Variants in PMS1 observed in about 807,000 individuals in gnomAD.
PMS1 encodes the protein PMS1 protein homolog 1.
PMS1 carries 79 observed loss-of-function variants against 93.1 expected under a neutral mutation model. That is an observed-to-expected ratio of 0.85 (90% confidence interval 0.71 to 1.02). The LOEUF is 1.02. Among genes scored for constraint, PMS1 ranks in the 50% least tolerant of loss-of-function variants. PMS1 has a pLI of 0.00. For missense variants in PMS1, 1,064 were observed against 1,085.3 expected, an observed-to-expected ratio of 0.98 and a Z score of 0.28; for synonymous variants, 335 against 363.4, an observed-to-expected ratio of 0.92 and a Z score of 0.89.
intron 10 of PMS1, among the ~76,000 whole-genome samples, chr2:189,865,707 A>T (rs527914476): frequency 6.6e-6 from 1 of 152,362 alleles, no homozygotes; most frequent in Admixed American, 6.5e-5. Flanking sequence ...AAAAAAGATT[A>T]AAAAATAAAT....
intron 5 of PMS1, among the ~76,000 whole-genome samples, chr2:189,829,081 T>C (rs553122285): frequency 4.6e-5 from 7 of 152,254 alleles, no homozygotes; most frequent in Admixed American, 1.3e-4. Context: ...TTGAATATAG[T>C]AGAGGATGAA....
intron 4 of PMS1, among the ~76,000 whole-genome samples, chr2:189,811,173 C>T (rs62184285): frequency 0.14 from 20,364 of 149,222 alleles, 1,646 homozygotes; most frequent in Middle Eastern, 0.2. Flanking sequence ...AACAGAAGCA[C>T]GGAAGTAGAA....
At chr2:189,868,484 C>T (rs1000935435) in intron 11 of PMS1, among the ~76,000 whole-genome samples, 3 of 152,186 alleles carry the variant, frequency 2.0e-5, no homozygotes, top group Non-Finnish European at 4.4e-5. Flanking sequence ...CTAGAGACTT[C>T]AGTTTTCCTG....
chr2:189,822,159 C>T (rs1347500863), intron 5 of PMS1, among the ~76,000 whole-genome samples: 8 of 152,144 alleles, frequency 5.3e-5, no homozygotes. Context: ...GACTGTGGCG[C>T]GGGCAGTGGA....
chr2:189,863,768 T>C lies in PMS1; in HGVS notation c.1882T>C (p.Leu628=). Residue 628 remains leucine, a synonymous_variant, in exon 10 of 13, where the codon TTG becomes CTG. Transcript: ENST00000441310. ...LKYEEKATKD[L]ERYNSQMKRA... is the part of the protein sequence containing the mutation. ...ATATGAAGAGAAGGCTACTAAAGACTTGGAACGATACAATAGTCAAATGAA... is the reference window on the plus strand; with the variant it reads ...ATATGAAGAGAAGGCTACTAAAGACCTGGAACGATACAATAGTCAAATGAA... The C allele has an allele frequency of 1.2e-6, 2 of 1,602,964 alleles. No homozygotes were observed. Among genetic ancestry groups the C allele is most frequent in the Non-Finnish European group, 1.7e-6 (2 of 1,170,000 alleles).
At chr2:189,842,571 T>C (rs1182893510) in intron 5 of PMS1, among the ~76,000 whole-genome samples, 1 of 152,158 alleles carries the variant, frequency 6.6e-6, no homozygotes, top group African/African-American at 2.4e-5. Context: ...CATGTTGACC[T>C]AAAAGGAAGA....
chr2:189,839,528 A>G (rs2053652587), intron 5 of PMS1, among the ~76,000 whole-genome samples: 1 of 152,052 alleles, frequency 6.6e-6, no homozygotes. Flanking sequence ...TTCTCTCTAT[A>G]TGTTCATGAT....
rs5742987 is a variant in PMS1, at chr2:189,796,530, CT to C, written c.315+583del. Among the ~76,000 whole-genome samples, 167 of 152,284 alleles carry C rather than the reference CT, an allele frequency of 1.1e-3. 2 individuals are homozygous for C. In the East Asian group the frequency reaches 0.026, roughly 24 times the overall value. ...CTCTGTACCCATTAAACAATAATGC[CT>C]TTTCCCCCCATCCCCTAGTACTCAC... On this transcript the variant is annotated intron_variant, in intron 3 of 12. Coordinates refer to ENST00000441310, the MANE Select transcript of PMS1 (RefSeq NM_000534.5).
chr2:189,820,255 A>G (rs2051708174), intron 5 of PMS1, among the ~76,000 whole-genome samples: 1 of 151,938 alleles, frequency 6.6e-6, no homozygotes, highest in Admixed American at 6.6e-5. Flanking sequence ...TGGGATTTGA[A>G]ACTTAACATG....
At chr2:189,834,904 A>AT (rs1034439577) in intron 5 of PMS1, among the ~76,000 whole-genome samples, 7 of 151,032 alleles carry the variant, frequency 4.6e-5, no homozygotes, top group African/African-American at 1.2e-4. Flanking sequence ...TAATTTTTTA[A>AT]TTTTTTGTAG....
intron 6 of PMS1, among the ~76,000 whole-genome samples, chr2:189,848,132 G>A (rs1055991250): frequency 7.2e-5 from 11 of 152,142 alleles, no homozygotes; most frequent in African/African-American, 2.7e-4. Flanking sequence ...CAAGGGTACT[G>A]TCTGAATTCT....
chr2:189,815,407 CTA>C (rs1378404496), intron 4 of PMS1, among the ~76,000 whole-genome samples: 1 of 152,128 alleles, frequency 6.6e-6, no homozygotes, highest in African/African-American at 2.4e-5. Context: ...CCCGTAATCC[CTA>C]TGTGTTTAGA....
chr2:189,866,891 C>T (rs1306091176), intron 10 of PMS1, among the ~76,000 whole-genome samples: 1 of 152,180 alleles, frequency 6.6e-6, no homozygotes, highest in Non-Finnish European at 1.5e-5. Context: ...ATCATCACCA[C>T]CACCACCATC....
chr2:189,846,247 C>T (rs922417379), intron 6 of PMS1, among the ~76,000 whole-genome samples: 7 of 151,922 alleles, frequency 4.6e-5, no homozygotes, highest in Admixed American at 2.6e-4. Flanking sequence ...TGTGGTGGCT[C>T]ACACCTGTAA....
In PMS1 at chr2:189,813,617, A is replaced by G. The variant is rs527974100; in HGVS notation, c.419-4400A>G. ...AATAAACAACTTCATATTTTATTGC[A>G]ACAATTGCTTTATGAGAGTTAAAAA... is the stretch of plus-strand genomic sequence containing the variant. On this transcript the variant is annotated intron_variant, in intron 4 of 12. Coordinates refer to ENST00000441310, the MANE Select transcript of PMS1 (RefSeq NM_000534.5). Among the ~76,000 whole-genome samples the G allele has an allele frequency of 3.9e-5, 6 of 152,346 alleles. 1 individual carries two copies. The East Asian group carries it at 1.2e-3, about 29-fold the overall frequency.
intron 5 of PMS1, among the ~76,000 whole-genome samples, chr2:189,838,804 A>G (rs2053589741): frequency 6.6e-6 from 1 of 152,232 alleles, no homozygotes; most frequent in African/African-American, 2.4e-5. Context: ...CATCAGTTTC[A>G]CTGACTTGCA....
At chr2:189,798,925 G>C (rs1333133501) in intron 3 of PMS1, among the ~76,000 whole-genome samples, 1 of 152,056 alleles carries the variant, frequency 6.6e-6, no homozygotes, top group African/African-American at 2.4e-5. Flanking sequence ...CCTACTAGGT[G>C]GCAGCACTAT....
intron 10 of PMS1, among the ~76,000 whole-genome samples, chr2:189,865,075 ATC>A (rs910289413): frequency 1.3e-5 from 2 of 151,848 alleles, no homozygotes; most frequent in African/African-American, 2.4e-5. Flanking sequence ...ATCTTTCAAT[ATC>A]TCTCTCTCAA....
At chr2:189,805,804 T>C (rs2050287416) in intron 4 of PMS1, 50 bp downstream of exon 4, 1 of 1,601,358 alleles carries the variant, frequency 6.2e-7, no homozygotes, top group African/African-American at 1.4e-5. Context: ...TCTGTCTTAA[T>C]TGTTGGTTTA....
Sources: allele counts gnomAD v4.1 joint callset (sites outside exome capture counted in the v4.1 genomes callset), GRCh38; gene constraint gnomAD v4.1.1; transcripts MANE v1.5; gene names NCBI Gene and HGNC (gene_info 2026-07-23, HGNC 2026-07-21).